Variants in FAM120A observed in about 807,000 individuals in gnomAD.
The protein encoded by FAM120A is family with sequence similarity 120 member A, also known as constitutive coactivator of PPAR-gamma-like protein 1.
FAM120A carries 15 observed loss-of-function variants against 109.7 expected under a neutral mutation model. The observed-to-expected ratio is 0.14, with a 90% CI of 0.09 to 0.21. The LOEUF (loss-of-function observed/expected upper bound fraction) is 0.21, where lower values mean the gene tolerates loss of function less well. Ranked by LOEUF, FAM120A falls within the 10% of genes least tolerant of loss-of-function variation. The probability of loss-of-function intolerance (pLI) is 1.00; values close to 1 mark genes in which losing one functional copy is unlikely to be tolerated. For synonymous variants in FAM120A, 493 were observed against 572.8 expected (o/e 0.86, Z 1.99); for missense variants, 899 against 1,439.3 (o/e 0.62, Z 6.07).
rs193127661 is a variant in FAM120A, at chr9:93,523,616, A to G, written c.1419-3539A>G. ...GACATTTCGTATTGATCTTAAGACA[A>G]ACGTGTTGACACAGTTAGGTGTCTC... On this transcript the variant is annotated intron_variant, in intron 7 of 17. Coordinates refer to ENST00000277165, the MANE Select transcript of FAM120A (RefSeq NM_014612.5). Among the ~76,000 whole-genome samples the G allele has an allele frequency of 3.0e-4, 46 of 152,324 alleles. 1 individual carries two copies. The highest frequency in any genetic ancestry group is 2.9e-3 in the Admixed American group (45 of 15,302).
intron 5 of FAM120A, among the ~76,000 whole-genome samples, chr9:93,499,635 A>C (rs918169191): frequency 1.3e-5 from 2 of 152,202 alleles, no homozygotes; most frequent in African/African-American, 4.8e-5. Flanking sequence ...GGGAAATAAA[A>C]ATATTTATAA....
At chr9:93,492,567 G>A (rs887362624) in intron 3 of FAM120A, among the ~76,000 whole-genome samples, 8 of 152,100 alleles carry the variant, frequency 5.3e-5, no homozygotes, top group Non-Finnish European at 8.8e-5. Context: ...TAAAGAAGAC[G>A]TCAGGGAGCT....
chr9:93,486,141 G>A (rs1291650118), intron 3 of FAM120A, among the ~76,000 whole-genome samples: 1 of 151,618 alleles, frequency 6.6e-6, no homozygotes. Context: ...CTGGGCTAAT[G>A]TTTTATTTTT....
chr9:93,458,404 G>C (rs985187087), intron 1 of FAM120A, among the ~76,000 whole-genome samples: 1 of 151,946 alleles, frequency 6.6e-6, no homozygotes, highest in Admixed American at 6.6e-5. Context: ...TCACTTCAGA[G>C]TTACACCCTC....
rs1036205222 is a variant in FAM120A at position 93,453,961 on chromosome 9, CTG to C, written c.474+1575_474+1576del. The stretch of plus-strand genomic sequence containing the variant: ...TAGTCAAGCGACTTTCAAGGGAACA[CTG>C]TGAATATTACTTAGGATTAGAATCA... On this transcript the variant is annotated intron_variant, in intron 1 of 17. Transcript: ENST00000277165. 1.1e-4 allele frequency among the ~76,000 whole-genome samples: 17 copies of C among 152,362 alleles called. No individual in the cohort carries two copies. In the East Asian group the frequency reaches 1.5e-3, roughly 14 times the overall value.
intron 10 of FAM120A, 92 bp from the exon 11 acceptor site, chr9:93,543,130 T>A (rs1295204218): frequency 6.7e-7 from 1 of 1,491,062 alleles, no homozygotes. Context: ...GGCGAATCTT[T>A]AGACCAGTTA....
intron 5 of FAM120A, among the ~76,000 whole-genome samples, chr9:93,508,902 C>T (rs1257434191): frequency 1.3e-5 from 2 of 152,172 alleles, no homozygotes; most frequent in Non-Finnish European, 2.9e-5. Context: ...AATCTGAGAA[C>T]ATGAGAAAAT....
chr9:93,514,153 G>A (rs1313564204), intron 5 of FAM120A, among the ~76,000 whole-genome samples: 5 of 152,298 alleles, frequency 3.3e-5, no homozygotes, highest in East Asian at 1.9e-4. Context: ...ACAAGGCAGC[G>A]GTAAGAAGTG....
intron 1 of FAM120A, among the ~76,000 whole-genome samples, chr9:93,462,840 T>TGTAATACAACA (rs1857854350): frequency 6.6e-6 from 1 of 152,230 alleles, no homozygotes; most frequent in Non-Finnish European, 1.5e-5. Context: ...TCTTCAAGGT[T>TGTAATACAACA]CATACATGTT....
At position 93,565,236 on chromosome 9, in the gene FAM120A, A is replaced by G. The variant is rs1253480037; in HGVS notation, c.*696A>G. On this transcript the variant is annotated 3_prime_UTR_variant, in exon 18 of 18. Transcript: ENST00000277165. The stretch of plus-strand genomic sequence containing the variant: ...GCAAATGACCTTTCAAAATCAACAC[A>G]ATGTGTTCTGAAACTTTCGTGACTA... 1 of 152,682 alleles carries G rather than the reference A, an allele frequency of 6.5e-6. No homozygotes were observed. Among genetic ancestry groups the G allele is most frequent in the Non-Finnish European group, 1.5e-5 (1 of 68,044 alleles). The allele number at this position is 152,682 out of a possible 1,614,324, so 9.5% of individuals were successfully genotyped here. A position where few individuals can be genotyped will look rare whatever the true frequency, so the allele number is the denominator to read the frequency against.
At chr9:93,491,991 C>T (rs1367075817) in intron 3 of FAM120A, among the ~76,000 whole-genome samples, 1 of 152,156 alleles carries the variant, frequency 6.6e-6, no homozygotes, top group African/African-American at 2.4e-5. Flanking sequence ...ATTACTTTAA[C>T]CCTCCTGCGT....
intron 3 of FAM120A, among the ~76,000 whole-genome samples, chr9:93,495,184 A>G (rs759338316): frequency 6.6e-6 from 1 of 152,188 alleles, no homozygotes; most frequent in Non-Finnish European, 1.5e-5. Context: ...ACAACTGACC[A>G]CTTAGAACCC....
chr9:93,492,552 A>C (rs1471623037), intron 3 of FAM120A, among the ~76,000 whole-genome samples: 1 of 152,126 alleles, frequency 6.6e-6, no homozygotes, highest in Non-Finnish European at 1.5e-5. Flanking sequence ...CCTGACCCTA[A>C]GGATTAAAGA....
rs981773700 is a variant in FAM120A, at chr9:93,532,657, G to A, written c.1909+328G>A. The A allele has an allele frequency of 9.4e-6, 3 of 317,792 alleles. No individual in the cohort carries two copies. Among genetic ancestry groups the A allele is most frequent in the Non-Finnish European group, 1.8e-5 (3 of 164,740 alleles). The allele number at this position is 317,792 out of a possible 1,614,324, so 19.7% of individuals were successfully genotyped here. ...ATTACCACGTCTTGGTAATCAGGAC[G>A]AGTGAGTTTCTGTGCTCTGGTTTTC... is the stretch of plus-strand genomic sequence containing the variant. On this transcript the variant is annotated intron_variant, in intron 10 of 17. Coordinates refer to ENST00000277165, the MANE Select transcript of FAM120A (RefSeq NM_014612.5). This position sits in a 1 kb window ranked among gnomAD's most constrained non-coding sequence, Gnocchi z 4.3.
intron 3 of FAM120A, among the ~76,000 whole-genome samples, chr9:93,489,291 G>C (rs1859209124): frequency 6.6e-6 from 1 of 152,228 alleles, no homozygotes; most frequent in African/African-American, 2.4e-5. Context: ...TACTCATAGA[G>C]TTGTGAGGAT....
Position 93,516,248 on chromosome 9 carries a change from A to G in FAM120A, c.1397A>G (p.Glu466Gly), listed in dbSNP as rs1347231988. The G allele has an allele frequency of 6.2e-7, 1 of 1,612,342 alleles. No individual in the cohort carries two copies. Among genetic ancestry groups the G allele is most frequent in the Non-Finnish European group, 8.5e-7 (1 of 1,178,814 alleles). Residue 466 changes from glutamate (E) to glycine (G), a missense_variant, in exon 7 of 18, where the codon GAG (glutamate) becomes GGG (glycine). Glu to Gly is a moderately conservative substitution (Grantham distance 98). Around this residue, in one of 11 missense-constraint regions of FAM120A, gnomAD observed 31 missense variants for 71.8 expected, o/e 0.43. Coordinates refer to ENST00000277165, the MANE Select transcript of FAM120A (RefSeq NM_014612.5). ...SSTSSSSDNDEGSGGATNHIS... is the reference protein window; with the variant it reads ...SSTSSSSDNDGGSGGATNHIS... ...ACATCGTCATCTTCCGACAACGACG[A>G]GGGCAGCGGAGGGGCGACAAAGTGA...
intron 10 of FAM120A, among the ~76,000 whole-genome samples, chr9:93,541,800 A>G (rs905253507): frequency 3.3e-5 from 5 of 152,328 alleles, no homozygotes; most frequent in Admixed American, 6.5e-5. Flanking sequence ...ACAGAGCCCT[A>G]TGAGGTCTTG....
intron 1 of FAM120A, among the ~76,000 whole-genome samples, chr9:93,458,414 CTA>C (rs2131203136): frequency 6.6e-6 from 1 of 152,232 alleles, no homozygotes; most frequent in South Asian, 2.1e-4. Flanking sequence ...GTTACACCCT[CTA>C]CCACCATAGA....
At chr9:93,470,460 T>C (rs10992748) in intron 1 of FAM120A, among the ~76,000 whole-genome samples, 40,935 of 151,942 alleles carry the variant, frequency 0.27, 6,583 homozygotes, top group East Asian at 0.43. Flanking sequence ...GGGGATTCAG[T>C]AGAAGTAAAG....
Sources: gnomAD v4.1 joint callset for allele counts (sites outside exome capture counted in the v4.1 genomes callset) on GRCh38, gnomAD v4.1.1 for gene constraint, gnomAD v4.1.1 regional missense constraint, Gnocchi (gnomAD v3.1) non-coding constraint, MANE v1.5 for transcripts, NCBI Gene and HGNC (gene_info 2026-07-23, HGNC 2026-07-21) for gene names.